TRIP11: variants seen among roughly 807,000 people sequenced by gnomAD.
TRIP11 encodes the protein thyroid hormone receptor interactor 11, also known as thyroid receptor-interacting protein 11.
In TRIP11, 148 loss-of-function variants were observed where a neutral mutation model predicts 223.1. The ratio of observed to expected loss-of-function variants is 0.66; its 90% CI spans 0.58 to 0.76. The LOEUF is 0.76. Among genes scored for constraint, TRIP11 ranks in the 30% least tolerant of loss-of-function variants. TRIP11 has a pLI of 0.00. For missense variants in TRIP11, 2,043 were observed against 2,222.0 expected (o/e 0.92, Z 1.62); for synonymous variants, 762 against 772.6 (o/e 0.99, Z 0.23).
At chr14:91,983,913 C>G (rs1008925612) in intron 16 of TRIP11, among the ~76,000 whole-genome samples, 2 of 152,076 alleles carry the variant, frequency 1.3e-5, no homozygotes, top group Non-Finnish European at 2.9e-5. Context: ...AAGGTAGTTC[C>G]ACGAAAAATA....
Position 91,988,292 on chromosome 14 carries a change from T to C in TRIP11, c.5252A>G (p.Lys1751Arg), listed in dbSNP as rs769184486. The C allele has an allele frequency of 6.2e-7, 1 of 1,611,254 alleles. No homozygotes were observed. Among genetic ancestry groups the C allele is most frequent in the East Asian group, 2.2e-5 (1 of 44,834 alleles). ...AAAAGAAAAAAACCTACTTTGTCTT[T>C]TAAGTTCTTCAATTTGTTCTTCTTT... ...DVKEEQIEEL[K>R]RQNELRQEML... Residue 1751 changes from lysine to arginine, a missense_variant, in exon 16 of 21, where the codon AAA becomes AGA. Lys to Arg is a conservative substitution (Grantham distance 26). Transcript: ENST00000267622.
intron 3 of TRIP11, among the ~76,000 whole-genome samples, chr14:92,022,810 T>C (rs926325364): frequency 3.3e-5 from 5 of 152,206 alleles, no homozygotes; most frequent in Non-Finnish European, 1.5e-5. Flanking sequence ...TTATGTTGTA[T>C]GTCATAACAA....
chr14:91,976,772 G>A, intron 16 of TRIP11, among the ~76,000 whole-genome samples: 1 of 152,088 alleles, frequency 6.6e-6, no homozygotes, highest in Non-Finnish European at 1.5e-5. Context: ...GACTGACTTA[G>A]AAGGATGCCT....
At chr14:91,977,076 G>A (rs2056474845) in intron 16 of TRIP11, 1 of 274,626 alleles carries the variant, frequency 3.6e-6, no homozygotes, top group Non-Finnish European at 7.3e-6. Flanking sequence ...ATAAAGAGGA[G>A]AGCTCTATCT....
In TRIP11 at chr14:92,004,895, C is replaced by T. The variant is rs2056878453; in HGVS notation, c.3081G>A (p.Glu1027=). 2.5e-6 allele frequency: 4 copies of T among 1,613,838 alleles called. No individual in the cohort carries two copies. The highest frequency in any genetic ancestry group is 3.4e-6 in the Non-Finnish European group (4 of 1,179,970). Reference sequence around the variant, plus strand: ...TTAGAAGTTTAATCTCCAGTTCTCGCTCTTTTATTCCTTTCACTAATCTTT... The same window carrying T: ...TTAGAAGTTTAATCTCCAGTTCTCGTTCTTTTATTCCTTTCACTAATCTTT... ...ETERLVKGIK[E]RELEIKLLNE... Residue 1027 remains glutamate (E), a synonymous_variant, in exon 11 of 21, where the codon GAG becomes GAA. Transcript: ENST00000267622.
chr14:92,013,039 T>C (rs1474248505), intron 7 of TRIP11, among the ~76,000 whole-genome samples: 1 of 152,112 alleles, frequency 6.6e-6, no homozygotes, highest in East Asian at 1.9e-4. Context: ...GTGGCCAAGG[T>C]GGGCAGATCA....
At chr14:91,970,899 G>A (rs181514006) in intron 20 of TRIP11, among the ~76,000 whole-genome samples, 43 of 152,210 alleles carry the variant, frequency 2.8e-4, no homozygotes, top group African/African-American at 8.9e-4. Flanking sequence ...AAGGAGTTAC[G>A]TTCTCCCCAA....
At chr14:92,039,504 A>C in intron 1 of TRIP11, 43 bp downstream of exon 1, 1 of 1,608,190 alleles carries the variant, frequency 6.2e-7, no homozygotes, top group Non-Finnish European at 8.5e-7. Flanking sequence ...GGACGTTCCC[A>C]GGGTCTTAGA....
chr14:91,966,361 C>T lies in TRIP11; in HGVS notation c.*3312G>A, dbSNP rs769388338. The T allele has an allele frequency of 4.4e-5, 8 of 183,186 alleles. No individual in the cohort carries two copies. The highest frequency in any genetic ancestry group is 8.1e-5 in the Non-Finnish European group (7 of 86,252). 11.3% of individuals were successfully genotyped at this position (183,186 alleles called of 1,614,324 possible). A position where few individuals can be genotyped will look rare whatever the true frequency, so the allele number is the denominator to read the frequency against. ...CTATACTTACTTGATATTTACAAAA[C>T]TTAAAGATAAATTTTTGTGGATGGA... is the stretch of plus-strand genomic sequence containing the variant. On this transcript the variant is annotated 3_prime_UTR_variant, in exon 21 of 21. Transcript: ENST00000267622.
intron 17 of TRIP11, 50 bp downstream of exon 17, chr14:91,976,058 A>G (rs1188713437): frequency 6.4e-7 from 1 of 1,564,372 alleles, no homozygotes; most frequent in Non-Finnish European, 8.7e-7. Context: ...TTTTTTAACC[A>G]TAAAAGTGAT....
intron 3 of TRIP11, among the ~76,000 whole-genome samples, chr14:92,024,730 T>C (rs972835908): frequency 1.3e-5 from 2 of 152,172 alleles, no homozygotes; most frequent in Non-Finnish European, 2.9e-5. Context: ...AAGTATTTAT[T>C]GGGGGCCACT....
chr14:91,996,912 TC>T (rs2056758437), intron 13 of TRIP11, among the ~76,000 whole-genome samples: 1 of 152,222 alleles, frequency 6.6e-6, no homozygotes, highest in Admixed American at 6.5e-5. Flanking sequence ...CTGGTGTACT[TC>T]CTTAATGTAT....
At position 92,010,922 on chromosome 14, in the gene TRIP11, G is replaced by T. The variant is rs2056964064; in HGVS notation, c.1314+64C>A. 5 of 1,411,976 alleles carry T rather than the reference G, an allele frequency of 3.5e-6. No individual in the cohort carries two copies. In the Admixed American group the frequency reaches 6.7e-5, roughly 19 times the overall value. The allele number at this position is 1,411,976 out of a possible 1,614,324, so 87.5% of individuals were successfully genotyped here. A position where few individuals can be genotyped will look rare whatever the true frequency, so the allele number is the denominator to read the frequency against. The stretch of plus-strand genomic sequence containing the variant: ...TCAACATTCCATTTGGATATCAACT[G>T]GCCCTTGGCTGTGACCTGTTACACA... On this transcript the variant is annotated intron_variant, in intron 9 of 20. Coordinates refer to ENST00000267622, the MANE Select transcript of TRIP11 (RefSeq NM_004239.4).
At chr14:92,020,265 A>C (rs1372447838) in intron 4 of TRIP11, among the ~76,000 whole-genome samples, 1 of 152,030 alleles carries the variant, frequency 6.6e-6, no homozygotes, top group Non-Finnish European at 1.5e-5. Flanking sequence ...AAAAAAAAGA[A>C]AAGAAAGAAC....
chr14:91,999,501 T>G, intron 12 of TRIP11, 68 bp from the exon 13 acceptor site: 1 of 1,497,892 alleles, frequency 6.7e-7, no homozygotes, highest in Non-Finnish European at 9.2e-7. Flanking sequence ...CATTTTGTTA[T>G]CAAATCTTTT....
chr14:91,989,575 T>C (rs952412611), intron 15 of TRIP11, among the ~76,000 whole-genome samples: 5 of 150,990 alleles, frequency 3.3e-5, no homozygotes, highest in South Asian at 2.1e-4. Flanking sequence ...TTCTTGGCTA[T>C]TCTCAAGTAT....
intron 16 of TRIP11, among the ~76,000 whole-genome samples, chr14:91,980,709 T>A (rs1160600979): frequency 2.6e-5 from 4 of 152,072 alleles, no homozygotes; most frequent in African/African-American, 9.7e-5. Context: ...ATGTTTGTCA[T>A]CTTTGAGGCC....
At chr14:91,999,592 ATCATCTTGAAT>A (rs1341726327) in intron 12 of TRIP11, among the ~76,000 whole-genome samples, 159 bp from the exon 13 acceptor site, 12 of 152,226 alleles carry the variant, frequency 7.9e-5, no homozygotes, top group Admixed American at 7.9e-4. Flanking sequence ...TTATCTTGAA[ATCATCTTGAAT>A]ATGCATCTGG....
chr14:91,969,640 A>G lies in TRIP11; in HGVS notation c.*33T>C. The G allele has an allele frequency of 6.2e-7, 1 of 1,605,566 alleles. No homozygotes were observed. The highest frequency in any genetic ancestry group is 1.3e-5 in the African/African-American group (1 of 74,874). On this transcript the variant is annotated 3_prime_UTR_variant, in exon 21 of 21. Coordinates refer to ENST00000267622, the MANE Select transcript of TRIP11 (RefSeq NM_004239.4). ...TACATATAGTGTTCATGGTTTCTTT[A>G]AAGTGCTAGATTGTCTCTGGCTTGA...
Sources: gnomAD v4.1 joint callset for allele counts (sites outside exome capture counted in the v4.1 genomes callset) on GRCh38, gnomAD v4.1.1 for gene constraint, MANE v1.5 for transcripts, NCBI Gene and HGNC (gene_info 2026-07-23, HGNC 2026-07-21) for gene names.